The following SLC4A7 variants were observed in gnomAD, a reference collection of about 807,000 sequenced individuals.
The protein encoded by SLC4A7 is solute carrier family 4 member 7.
A neutral mutation model predicts 137.6 loss-of-function variants in SLC4A7; 51 were observed. The observed-to-expected ratio is 0.37, with a 90% CI of 0.30 to 0.47. SLC4A7 has a LOEUF of 0.47. SLC4A7 is among the 20% of genes least tolerant of loss of function. The pLI, the probability that SLC4A7 is intolerant of heterozygous loss-of-function variation, is 1.00. For missense variants in SLC4A7, 1,247 were observed against 1,525.4 expected (o/e 0.82, Z 3.04); for synonymous variants, 542 against 518.6 (o/e 1.05, Z -0.61).
chr3:27,417,398 G>A (rs754142968), intron 11 of SLC4A7, among the ~76,000 whole-genome samples: 1 of 152,046 alleles, frequency 6.6e-6, no homozygotes, highest in Admixed American at 6.6e-5. Flanking sequence ...TTGGTGGTGG[G>A]GCAATGAACA....
At chr3:27,385,510 A>C (rs1398896000) in intron 23 of SLC4A7, among the ~76,000 whole-genome samples, 2 of 152,186 alleles carry the variant, frequency 1.3e-5, no homozygotes, top group East Asian at 3.8e-4. Flanking sequence ...AATGTATTTA[A>C]AGTTTTCTCA....
chr3:27,475,960 G>T (rs2059444330), intron 1 of SLC4A7, among the ~76,000 whole-genome samples: 1 of 152,012 alleles, frequency 6.6e-6, no homozygotes, highest in Admixed American at 6.6e-5. Flanking sequence ...AAAAGCAGAT[G>T]AACAGAAAGA....
intron 1 of SLC4A7, among the ~76,000 whole-genome samples, chr3:27,473,260 G>A (rs2059328143): frequency 6.6e-6 from 1 of 151,976 alleles, no homozygotes. Flanking sequence ...GATTATGCCT[G>A]TGAATAGCCA....
chr3:27,419,969 A>T (rs1005301625), intron 10 of SLC4A7, among the ~76,000 whole-genome samples: 20 of 151,994 alleles, frequency 1.3e-4, no homozygotes, highest in African/African-American at 4.8e-4. Flanking sequence ...CGGGCAGATC[A>T]CAAGGTCAGG....
intron 1 of SLC4A7, among the ~76,000 whole-genome samples, chr3:27,463,766 T>C (rs1186013535): frequency 1.3e-5 from 2 of 152,138 alleles, no homozygotes; most frequent in Non-Finnish European, 2.9e-5. Flanking sequence ...TCCGGGATAG[T>C]AACCTGGAAT....
intron 18 of SLC4A7, among the ~76,000 whole-genome samples, chr3:27,395,951 T>C (rs1007565706): frequency 1.3e-5 from 2 of 152,166 alleles, no homozygotes; most frequent in African/African-American, 4.8e-5. Flanking sequence ...CCAAAGGAAC[T>C]ACTAACAAAA....
chr3:27,427,862 A>G (rs895597141), intron 7 of SLC4A7, among the ~76,000 whole-genome samples: 1 of 152,214 alleles, frequency 6.6e-6, no homozygotes, highest in African/African-American at 2.4e-5. Context: ...TCTCATCACA[A>G]AAACTCATGG....
chr3:27,373,061 C>A lies in SLC4A7; in HGVS notation c.*3703G>T. On this transcript the variant is annotated 3_prime_UTR_variant, in exon 26 of 26. Transcript: ENST00000454389. ...TTAAACATTGGAAGACAATCTCCCC[C>A]ATGGGGAAGAAAAAAAAAAAAAACC... The A allele has an allele frequency of 9.3e-6, 1 of 107,418 alleles. No homozygotes were observed. The highest frequency in any genetic ancestry group is 2.0e-5 in the Non-Finnish European group (1 of 51,248). 6.7% of individuals were successfully genotyped at this position (107,418 alleles called of 1,614,324 possible). A position where few individuals can be genotyped will look rare whatever the true frequency, so the allele number is the denominator to read the frequency against.
chr3:27,394,479 A>G, intron 20 of SLC4A7, 39 bp downstream of exon 20: 3 of 1,548,046 alleles, frequency 1.9e-6, no homozygotes, highest in Non-Finnish European at 2.7e-6. Context: ...TATAAATGTT[A>G]TAATAAGATT....
At position 27,375,826 on chromosome 3, in the gene SLC4A7, T is replaced by C. The variant is rs917931083; in HGVS notation, c.*938A>G. 6.6e-6 allele frequency: 1 copy of C among 152,060 alleles called. No homozygotes were observed. The highest frequency in any genetic ancestry group is 1.5e-5 in the Non-Finnish European group (1 of 67,886). The allele number at this position is 152,060 out of a possible 1,614,324, so 9.4% of individuals were successfully genotyped here. On this transcript the variant is annotated 3_prime_UTR_variant, in exon 26 of 26. Coordinates refer to ENST00000454389, the MANE Select transcript of SLC4A7 (RefSeq NM_001321103.2). ...ATTCTTAATAAAGTAATACTGATCA[T>C]AGACCCTTCTGAGAGAATTCTAACT...
At chr3:27,470,705 G>A (rs1253110179) in intron 1 of SLC4A7, among the ~76,000 whole-genome samples, 1 of 150,276 alleles carries the variant, frequency 6.7e-6, no homozygotes, top group Non-Finnish European at 1.5e-5. Flanking sequence ...CACTCTGGGA[G>A]GCCGAGGCAG....
intron 21 of SLC4A7, among the ~76,000 whole-genome samples, chr3:27,391,168 T>C (rs1484878313): frequency 3.9e-5 from 6 of 152,168 alleles, no homozygotes; most frequent in Non-Finnish European, 8.8e-5. Flanking sequence ...CTTAAGAAGT[T>C]TTATTAGGTT....
rs2054638359 is a variant in SLC4A7, at chr3:27,418,766, A to T, written c.1513-134T>A. ...AAACTCTTATCTCAGGCAGGTATTC[A>T]GCCCAGCCTGGGTAACAACTATAAA... On this transcript the variant is annotated intron_variant, in intron 10 of 25. Coordinates refer to ENST00000454389, the MANE Select transcript of SLC4A7 (RefSeq NM_001321103.2). 6 of 587,632 alleles carry T rather than the reference A, an allele frequency of 1.0e-5. 1 individual carries two copies. The South Asian group carries it at 1.4e-4, about 14-fold the overall frequency. 36.4% of individuals were successfully genotyped at this position (587,632 alleles called of 1,614,324 possible). A position where few individuals can be genotyped will look rare whatever the true frequency, so the allele number is the denominator to read the frequency against.
At chr3:27,442,200 G>A (rs1320624777) in intron 3 of SLC4A7, among the ~76,000 whole-genome samples, 1 of 152,092 alleles carries the variant, frequency 6.6e-6, no homozygotes, top group East Asian at 1.9e-4. Flanking sequence ...TTGTAGTTTT[G>A]AAGAATGGAC....
intron 16 of SLC4A7, 120 bp downstream of exon 16, chr3:27,400,644 T>A (rs144918999): frequency 3.2e-6 from 2 of 628,300 alleles, no homozygotes; most frequent in South Asian, 2.1e-5. Flanking sequence ...AAAATAACAC[T>A]ACATTCTGAA....
intron 11 of SLC4A7, among the ~76,000 whole-genome samples, chr3:27,412,005 A>G (rs2053946884): frequency 1.3e-5 from 2 of 152,170 alleles, no homozygotes; most frequent in Admixed American, 1.3e-4. Flanking sequence ...AATATACTAT[A>G]AAATATATTC....
chr3:27,426,188 C>T (rs533637022), intron 7 of SLC4A7, among the ~76,000 whole-genome samples: 8 of 152,290 alleles, frequency 5.3e-5, no homozygotes, highest in Admixed American at 1.3e-4. Context: ...GTTGATGTGA[C>T]GAAAAATCTT....
chr3:27,461,376 G>C (rs980717309), intron 1 of SLC4A7, among the ~76,000 whole-genome samples: 1 of 151,840 alleles, frequency 6.6e-6, no homozygotes, highest in Admixed American at 6.6e-5. Flanking sequence ...TCCAACCTGA[G>C]TGACGAAGCG....
chr3:27,394,642 A>G lies in SLC4A7; in HGVS notation c.2993T>C (p.Val998Ala). 2.5e-6 allele frequency: 4 copies of G among 1,614,196 alleles called. No individual in the cohort carries two copies. Among genetic ancestry groups the G allele is most frequent in the Non-Finnish European group, 3.4e-6 (4 of 1,180,022 alleles). Residue 998 changes from valine (V) to alanine (A), a missense_variant, in exon 20 of 26, where the codon GTT becomes GCT. Val to Ala is a moderately conservative substitution (Grantham distance 64). This residue lies in a region of SLC4A7 where 290 missense variants were observed against 323.8 expected (regional missense o/e 0.90). Coordinates refer to ENST00000454389, the MANE Select transcript of SLC4A7 (RefSeq NM_001321103.2). ...LSISHVNSLK[V>A]ESECSAPGEQ... ...CCCTGGAGCAGAACATTCAGATTCAACTTTTAAGCTGTTGACATGACTTAT... is the reference window on the plus strand; with the variant it reads ...CCCTGGAGCAGAACATTCAGATTCAGCTTTTAAGCTGTTGACATGACTTAT...
Sources: gnomAD v4.1 joint callset for allele counts (sites outside exome capture counted in the v4.1 genomes callset) on GRCh38, gnomAD v4.1.1 for gene constraint, gnomAD v4.1.1 regional missense constraint, MANE v1.5 for transcripts, NCBI Gene and HGNC (gene_info 2026-07-23, HGNC 2026-07-21) for gene names.